The following PIGN variants were observed in gnomAD, a reference collection of about 807,000 sequenced individuals.
The protein encoded by PIGN is GPI ethanolamine phosphate transferase 1.
A neutral mutation model predicts 125.4 loss-of-function variants in PIGN; 117 were observed. The ratio of observed to expected loss-of-function variants is 0.93; its 90% CI spans 0.80 to 1.09. PIGN has a LOEUF of 1.09. PIGN is among the 50% of genes least tolerant of loss of function. The pLI is 0.00. For synonymous variants in PIGN, 392 were observed against 377.8 expected (o/e 1.04, Z -0.44); for missense variants, 1,075 against 1,094.9 (o/e 0.98, Z 0.26).
At chr18:62,112,138 C>T (rs2034902816) in intron 16 of PIGN, among the ~76,000 whole-genome samples, 1 of 152,070 alleles carries the variant, frequency 6.6e-6, no homozygotes, top group South Asian at 2.1e-4. Context: ...GTTATGAGTT[C>T]TAAGAATGCC....
chr18:62,149,480 T>C (rs2036454316), intron 7 of PIGN, among the ~76,000 whole-genome samples: 1 of 152,230 alleles, frequency 6.6e-6, no homozygotes, highest in Admixed American at 6.5e-5. Context: ...ATTTGTTCTA[T>C]GGCTGGTACA....
chr18:62,170,124 A>G (rs1251634907), intron 1 of PIGN, among the ~76,000 whole-genome samples: 3 of 152,120 alleles, frequency 2.0e-5, no homozygotes, highest in African/African-American at 7.2e-5. Context: ...CTAATGACTA[A>G]TATTATTGAG....
rs899059778 is a variant in PIGN, at chr18:62,044,323, G to A, written c.*1533C>T. 24 of 152,274 alleles carry A rather than the reference G, an allele frequency of 1.6e-4. No individual in the cohort carries two copies. The highest frequency in any genetic ancestry group is 5.5e-4 in the African/African-American group (23 of 41,550). The allele number at this position is 152,274 out of a possible 1,614,324, so 9.4% of individuals were successfully genotyped here. A position where few individuals can be genotyped will look rare whatever the true frequency, so the allele number is the denominator to read the frequency against. ...ACATAGAAAAAGGTCAGTGATAAGT[G>A]TTTATACAGTCAGTTTTTTCTGATG... On this transcript the variant is annotated 3_prime_UTR_variant, in exon 31 of 31. Transcript: ENST00000640252.
intron 23 of PIGN, among the ~76,000 whole-genome samples, chr18:62,026,406 C>T (rs533406693): frequency 6.6e-6 from 1 of 152,228 alleles, no homozygotes; most frequent in East Asian, 1.9e-4. Context: ...TTTAAGCAAT[C>T]TTAGCCCACC....
chr18:62,095,970 G>A lies in PIGN; in HGVS notation c.2078-20C>T. The A allele has an allele frequency of 6.7e-7, 1 of 1,486,170 alleles. No homozygotes were observed. Among genetic ancestry groups the A allele is most frequent in the Non-Finnish European group, 9.4e-7 (1 of 1,064,078 alleles). 92.1% of individuals were successfully genotyped at this position (1,486,170 alleles called of 1,614,324 possible). A position where few individuals can be genotyped will look rare whatever the true frequency, so the allele number is the denominator to read the frequency against. ...AAGAGGCTGCAATGAAACAGAACAG[G>A]TCATCTGTCAGTATAAGAGACACAA... On this transcript the variant is annotated intron_variant, in intron 22 of 30. Coordinates refer to ENST00000640252, the MANE Select transcript of PIGN (RefSeq NM_176787.5).
chr18:62,146,783 TTTAG>T (rs375344811), intron 9 of PIGN, among the ~76,000 whole-genome samples, 184 bp downstream of exon 9: 123 of 152,354 alleles, frequency 8.1e-4, no homozygotes, highest in African/African-American at 2.6e-3. Flanking sequence ...ATATTCGTTT[TTTAG>T]TTAGAGAAAA....
chr18:62,154,265 G>A (rs1055589141), intron 7 of PIGN: 1 of 451,982 alleles, frequency 2.2e-6, no homozygotes, highest in African/African-American at 2.1e-5. Context: ...GTCAATGAAA[G>A]ATCAAAATTT....
At chr18:62,171,084 C>T (rs1301087154) in intron 1 of PIGN, among the ~76,000 whole-genome samples, 1 of 152,204 alleles carries the variant, frequency 6.6e-6, no homozygotes, top group Non-Finnish European at 1.5e-5. Context: ...CACAGACCAA[C>T]TGGGGAAGAA....
chr18:62,079,426 T>C (rs1488621451), intron 28 of PIGN, among the ~76,000 whole-genome samples: 1 of 152,238 alleles, frequency 6.6e-6, no homozygotes, highest in Non-Finnish European at 1.5e-5. Context: ...TAGGAGAAAT[T>C]AGCATAAAAT....
intron 12 of PIGN, among the ~76,000 whole-genome samples, chr18:62,139,977 T>C (rs1021748793): frequency 3.3e-5 from 5 of 152,198 alleles, no homozygotes; most frequent in African/African-American, 4.8e-5. Context: ...AGTCAGTTTT[T>C]GCTGCTTGTA....
chr18:62,067,977 G>C (rs775645800), intron 30 of PIGN, among the ~76,000 whole-genome samples: 3 of 152,176 alleles, frequency 2.0e-5, no homozygotes, highest in Non-Finnish European at 4.4e-5. Context: ...CGTGTTTTAG[G>C]ATGAGCGGGA....
intron 21 of PIGN, among the ~76,000 whole-genome samples, chr18:62,102,490 A>T (rs1185478690): frequency 6.8e-6 from 1 of 147,974 alleles, no homozygotes; most frequent in East Asian, 2.0e-4. Flanking sequence ...CCCTGACCCA[A>T]ATGAGGACAA....
In PIGN at chr18:62,041,914, T is replaced by A. The variant is rs1392222165; in HGVS notation, c.*3942A>T. On this transcript the variant is annotated 3_prime_UTR_variant, in exon 31 of 31. Transcript: ENST00000640252. ...AAGCTAGTGGAAACTTTTGGCATAA[T>A]GCTATCTTCCTCCCTTCACAACGTA... 1 of 152,156 alleles carries A rather than the reference T, an allele frequency of 6.6e-6. No individual in the cohort carries two copies. The allele number at this position is 152,156 out of a possible 1,614,324, so 9.4% of individuals were successfully genotyped here.
At chr18:62,160,049 C>A (rs1287778219) in intron 4 of PIGN, among the ~76,000 whole-genome samples, 2 of 152,108 alleles carry the variant, frequency 1.3e-5, no homozygotes, top group African/African-American at 2.4e-5. Context: ...GGAGGCTGAG[C>A]TGGCAGTGAG....
At chr18:62,100,307 T>TA (rs2034385678) in intron 22 of PIGN, among the ~76,000 whole-genome samples, 1 of 151,934 alleles carries the variant, frequency 6.6e-6, no homozygotes, top group Non-Finnish European at 1.5e-5. Flanking sequence ...ATCAAAAAGA[T>TA]AAAAAATAGC....
chr18:62,073,824 C>T (rs904306558), intron 29 of PIGN, among the ~76,000 whole-genome samples: 1 of 152,170 alleles, frequency 6.6e-6, no homozygotes, highest in African/African-American at 2.4e-5. Flanking sequence ...TGTTCATTCT[C>T]AGCTACTGGG....
intron 30 of PIGN, among the ~76,000 whole-genome samples, chr18:62,069,201 C>T (rs1018143857): frequency 6.6e-6 from 1 of 152,184 alleles, no homozygotes; most frequent in African/African-American, 2.4e-5. Context: ...GAAGAAAAAA[C>T]ACGCCAGGTA....
Position 62,088,766 on chromosome 18 carries a change from GC to G in PIGN, c.2359del (p.Ala787ProfsTer8). Reference protein sequence around the residue: ...RQLYLDDIRRAFFLVFFLVTA... With the variant: ...RQLYLDDIRRXFFLVFFLVTA... ...CTCCACAAAGGATACAAGGAAAAAG[GC>G]CCTACGGATGTCATCCAGATATAGC... is the stretch of plus-strand genomic sequence containing the variant. On this transcript the variant is annotated frameshift_variant, in exon 25 of 31. Transcript: ENST00000640252. LOFTEE classifies it high-confidence loss of function. The G allele has an allele frequency of 6.4e-7, 1 of 1,551,084 alleles. No individual in the cohort carries two copies. The highest frequency in any genetic ancestry group is 8.8e-7 in the Non-Finnish European group (1 of 1,141,166).
intron 1 of PIGN, among the ~76,000 whole-genome samples, chr18:62,163,913 A>G (rs927560870): frequency 5.3e-5 from 8 of 152,210 alleles, no homozygotes; most frequent in African/African-American, 1.9e-4. Flanking sequence ...GCTACTTCAT[A>G]CAAGTGAAAT....
Sources: gnomAD v4.1 joint callset for allele counts (sites outside exome capture counted in the v4.1 genomes callset) on GRCh38, gnomAD v4.1.1 for gene constraint, MANE v1.5 for transcripts, NCBI Gene and HGNC (gene_info 2026-07-23, HGNC 2026-07-21) for gene names.